SKA2: variants seen among roughly 807,000 people sequenced by gnomAD.
The protein encoded by SKA2 is spindle and kinetochore associated complex subunit 2.
SKA2 carries 13 observed loss-of-function variants against 16.9 expected under a neutral mutation model. The observed-to-expected ratio is 0.77, with a 90% CI of 0.50 to 1.22. SKA2 has a LOEUF of 1.22. Among genes scored for constraint, SKA2 ranks in the 50% most tolerant of loss-of-function variants. The pLI is 0.00. For synonymous variants in SKA2, 47 were observed against 48.5 expected (o/e 0.97, Z 0.13); for missense variants, 107 against 139.7 (o/e 0.77, Z 1.18).
Position 59,124,148 on chromosome 17 carries a change from G to T in SKA2, c.121-4653C>A, listed in dbSNP as rs1480101131. ...ATTCAAGAATTTGACAAAAATAAAA[G>T]TTTAGGCCGGGGTGGTGACTCACAT... On this transcript the variant is annotated intron_variant, in intron 2 of 3. Coordinates refer to ENST00000330137, the MANE Select transcript of SKA2 (RefSeq NM_182620.4). Among the ~76,000 whole-genome samples, 10 of 152,170 alleles carry T rather than the reference G, an allele frequency of 6.6e-5. No homozygotes were observed. In the East Asian group the frequency reaches 1.4e-3, roughly 21 times the overall value.
intron 2 of SKA2, chr17:59,129,206 G>C (rs1010665699): frequency 3.9e-5 from 6 of 152,048 alleles, no homozygotes; most frequent in Non-Finnish European, 5.9e-5. Flanking sequence ...AAAATTAGCT[G>C]GGTGTGGTGG....
chr17:59,132,077 C>A (rs115140547), intron 1 of SKA2, among the ~76,000 whole-genome samples: 2,845 of 152,230 alleles, frequency 0.019, 84 homozygotes, highest in African/African-American at 0.065. Context: ...CAGTATTGGC[C>A]GGGCACAGTG....
intron 1 of SKA2, among the ~76,000 whole-genome samples, chr17:59,141,965 C>T (rs980361349): frequency 2.6e-5 from 4 of 152,038 alleles, no homozygotes; most frequent in African/African-American, 9.7e-5. Flanking sequence ...GAGATATTCT[C>T]ATGGAGCTAG....
intron 1 of SKA2, among the ~76,000 whole-genome samples, chr17:59,154,507 G>A (rs1198223824): frequency 6.6e-6 from 1 of 152,224 alleles, no homozygotes; most frequent in Middle Eastern, 3.2e-3. Context: ...CCCGCGCTCC[G>A]GGAGCGGAGC....
intron 1 of SKA2, among the ~76,000 whole-genome samples, chr17:59,142,253 C>T (rs889045778): frequency 4.0e-5 from 6 of 149,950 alleles, no homozygotes; most frequent in Admixed American, 1.3e-4. Context: ...TGTTATTGCA[C>T]GAATATTCAG....
At chr17:59,151,360 G>T in intron 1 of SKA2, 1 of 396,172 alleles carries the variant, frequency 2.5e-6, no homozygotes, top group Non-Finnish European at 4.9e-6. Flanking sequence ...TTTTAAAAAA[G>T]GATAAGACTT....
chr17:59,113,218 A>T (rs1568299186), intron 3 of SKA2, among the ~76,000 whole-genome samples: 2 of 151,628 alleles, frequency 1.3e-5, no homozygotes, highest in Non-Finnish European at 2.9e-5. Flanking sequence ...GCAAGACCTC[A>T]TCTTAAGAAA....
At position 59,126,028 on chromosome 17, in the gene SKA2, G is replaced by A. The variant is rs547398342; in HGVS notation, c.120+5253C>T. Among the ~76,000 whole-genome samples, 736 of 151,922 alleles carry A rather than the reference G, an allele frequency of 4.8e-3. 3 individuals carry two copies. Among genetic ancestry groups the A allele is most frequent in the African/African-American group, 0.017 (710 of 41,472 alleles). On this transcript the variant is annotated intron_variant, in intron 2 of 3. Transcript: ENST00000330137. ...CTACTAAAAATACAAAAAATTAGCC[G>A]GGCTTGGTGGCGGGTGCCTGTAGTC... is the stretch of plus-strand genomic sequence containing the variant.
chr17:59,117,451 C>T (rs2046304140), intron 3 of SKA2, among the ~76,000 whole-genome samples: 1 of 152,140 alleles, frequency 6.6e-6, no homozygotes, highest in South Asian at 2.1e-4. Flanking sequence ...GGCTGGAATT[C>T]AGTGGTGCAA....
intron 1 of SKA2, among the ~76,000 whole-genome samples, chr17:59,138,283 T>G (rs1052598433): frequency 3.1e-4 from 47 of 152,052 alleles, no homozygotes; most frequent in African/African-American, 1.1e-3. Flanking sequence ...TCTGATTTTT[T>G]CCTCCTATTT....
intron 1 of SKA2, among the ~76,000 whole-genome samples, chr17:59,142,795 T>C (rs181496319): frequency 2.6e-5 from 4 of 151,086 alleles, no homozygotes; most frequent in African/African-American, 7.3e-5. Flanking sequence ...GGTGTGGTGG[T>C]GGGCACCTGT....
intron 3 of SKA2, among the ~76,000 whole-genome samples, chr17:59,113,454 C>T (rs917264913): frequency 2.6e-5 from 4 of 151,644 alleles, no homozygotes; most frequent in Non-Finnish European, 5.9e-5. Flanking sequence ...ACCTGGGAGG[C>T]GGAGGCTGCA....
chr17:59,128,895 A>G (rs2046389967), intron 2 of SKA2, among the ~76,000 whole-genome samples: 1 of 152,168 alleles, frequency 6.6e-6, no homozygotes, highest in Non-Finnish European at 1.5e-5. Flanking sequence ...TATACTTTAA[A>G]GGGGTGAATT....
In SKA2 at chr17:59,112,078, T is replaced by G. The variant is rs1043133309; in HGVS notation, c.*199A>C. ...ATCGTTTTATTCTCATTTGATCCTT[T>G]TGGCTGAACTTTATTCATATATTAT... is the stretch of plus-strand genomic sequence containing the variant. On this transcript the variant is annotated 3_prime_UTR_variant, in exon 4 of 4. Transcript: ENST00000330137. 2 of 563,360 alleles carry G rather than the reference T, an allele frequency of 3.6e-6. No homozygotes were observed. The highest frequency in any genetic ancestry group is 7.1e-5 in the Admixed American group (2 of 28,186). The allele number at this position is 563,360 out of a possible 1,614,324, so 34.9% of individuals were successfully genotyped here. A position where few individuals can be genotyped will look rare whatever the true frequency, so the allele number is the denominator to read the frequency against.
At chr17:59,135,606 G>C (rs1873490615) in intron 1 of SKA2, among the ~76,000 whole-genome samples, 1 of 151,742 alleles carries the variant, frequency 6.6e-6, no homozygotes, top group Non-Finnish European at 1.5e-5. Flanking sequence ...TTGGGCCACT[G>C]CCCCCAGCCT....
At chr17:59,134,498 T>G (rs184491933) in intron 1 of SKA2, among the ~76,000 whole-genome samples, 1 of 152,278 alleles carries the variant, frequency 6.6e-6, no homozygotes, top group African/African-American at 2.4e-5. Flanking sequence ...TTTTTTAACT[T>G]GATATTTAGT....
intron 1 of SKA2, among the ~76,000 whole-genome samples, chr17:59,139,114 C>T (rs1568308607): frequency 6.6e-6 from 1 of 152,052 alleles, no homozygotes; most frequent in Non-Finnish European, 1.5e-5. Flanking sequence ...AATGCATTTT[C>T]CGGCTGGGCG....
chr17:59,138,525 G>C (rs1421647108), intron 1 of SKA2, among the ~76,000 whole-genome samples: 1 of 152,002 alleles, frequency 6.6e-6, no homozygotes, highest in Non-Finnish European at 1.5e-5. Context: ...TCTGCCTCCA[G>C]GCTCAAGCAA....
chr17:59,145,881 T>C (rs902563129), intron 1 of SKA2, among the ~76,000 whole-genome samples: 1 of 151,930 alleles, frequency 6.6e-6, no homozygotes, highest in Non-Finnish European at 1.5e-5. Context: ...TGTCAGCTAC[T>C]CGTAAGGCTG....
Sources: gnomAD v4.1 joint callset for allele counts (sites outside exome capture counted in the v4.1 genomes callset) on GRCh38, gnomAD v4.1.1 for gene constraint, MANE v1.5 for transcripts, NCBI Gene and HGNC (gene_info 2026-07-23, HGNC 2026-07-21) for gene names.